RGPD4: variants seen among roughly 807,000 people sequenced by gnomAD.
The protein encoded by RGPD4 is ranBP2-like and GRIP domain-containing protein 4.
In RGPD4, 84 loss-of-function variants were observed where a neutral mutation model predicts 141.1. The ratio of observed to expected loss-of-function variants is 0.60; its 90% confidence interval spans 0.50 to 0.71. RGPD4 has a LOEUF of 0.71. RGPD4 is among the 30% of genes least tolerant of loss of function. RGPD4 has a pLI of 0.00. For missense variants in RGPD4, 918 were observed against 1,622.4 expected, an observed-to-expected ratio of 0.57 and a Z score of 7.46; for synonymous variants, 298 against 566.8, an observed-to-expected ratio of 0.53 and a Z score of 6.74.
intron 20 of RGPD4, among the ~76,000 whole-genome samples, chr2:107,875,181 CTAAA>C (rs1683054172): frequency 1.7e-5 from 1 of 57,958 alleles, no homozygotes; most frequent in African/African-American, 8.0e-5. Flanking sequence ...AAATACATAA[CTAAA>C]TAAATTTTCT....
rs1467777390 is a variant in RGPD4, at chr2:107,873,590, AAAAAAAAAAAT to A, written c.4924+664_4924+674del. ...CTTTGTCTCCAAAAAAAAAAAAAAA[AAAAAAAAAAAT>A]ATGATATTGAGATGTTCTCATTTTA... On this transcript the variant is annotated intron_variant, in intron 20 of 22. Coordinates refer to ENST00000408999, the MANE Select transcript of RGPD4 (RefSeq NM_182588.3). 3.4e-4 allele frequency among the ~76,000 whole-genome samples: 39 copies of A among 115,648 alleles called. 1 individual carries two copies. The highest frequency in any genetic ancestry group is 1.0e-3 in the African/African-American group (35 of 34,824). 75.9% of individuals were successfully genotyped at this position (115,648 alleles called of 152,430 possible). A position where few individuals can be genotyped will look rare whatever the true frequency, so the allele number is the denominator to read the frequency against.
At chr2:107,844,823 C>CTTTCTTTTT (rs1681859004) in intron 6 of RGPD4, among the ~76,000 whole-genome samples, 22 of 53,832 alleles carry the variant, frequency 4.1e-4, no homozygotes, top group Non-Finnish European at 6.2e-4. Flanking sequence ...TTCTTTCTTT[C>CTTTCTTTTT]TTTTTTGTTT....
chr2:107,874,333 T>G (rs1683027834), intron 20 of RGPD4, among the ~76,000 whole-genome samples: 1 of 150,112 alleles, frequency 6.7e-6, no homozygotes, highest in Non-Finnish European at 1.5e-5. Context: ...GCATATTATA[T>G]ATGTTGCACC....
chr2:107,831,613 T>C (rs1193229303), intron 1 of RGPD4, among the ~76,000 whole-genome samples: 4 of 123,336 alleles, frequency 3.2e-5, no homozygotes, highest in Non-Finnish European at 6.7e-5. Context: ...TCTCGCTCTA[T>C]CGTCCAGGCT....
intron 22 of RGPD4, 90 bp downstream of exon 22, chr2:107,882,963 C>T: frequency 1.3e-6 from 1 of 758,772 alleles, no homozygotes; most frequent in East Asian, 2.6e-5. Flanking sequence ...TGTAACTTTT[C>T]AATTTTGCTC....
chr2:107,872,070 G>T lies in RGPD4; in HGVS notation c.4066G>T (p.Val1356Phe). The change falls in exon 20 of 23, where the codon GTT becomes TTT. Residue 1356 changes from valine to phenylalanine, a missense_variant. Physicochemically the swap from Val to Phe is conservative, Grantham distance 50. Transcript: ENST00000408999. ...ATCCAGTGGTGAGGAAAATGAAAAA[G>T]TTGTTTTTAGTCACAGGGCAGAACT... is the stretch of plus-strand genomic sequence containing the variant. ...EVSSGEENEK[V>F]VFSHRAELYR... 1 of 1,611,622 alleles carries T rather than the reference G, an allele frequency of 6.2e-7. No homozygotes were observed. The highest frequency in any genetic ancestry group is 8.5e-7 in the Non-Finnish European group (1 of 1,179,856).
chr2:107,881,979 A>G (rs71419306), intron 21 of RGPD4, among the ~76,000 whole-genome samples: 24 of 151,944 alleles, frequency 1.6e-4, no homozygotes, highest in Admixed American at 4.6e-4. Context: ...GGAGGCTACC[A>G]ATGTTCCCCT....
intron 1 of RGPD4, among the ~76,000 whole-genome samples, chr2:107,833,246 A>AG (rs913398714): frequency 5.3e-5 from 8 of 152,082 alleles, no homozygotes; most frequent in African/African-American, 1.7e-4. Context: ...TAAAAAAAAA[A>AG]AGAGAGAAAT....
In RGPD4 at chr2:107,880,204, T is replaced by G; in HGVS notation, c.5064+97T>G. ...CAAGTTTAAAAATTCACATTGCAGA[T>G]GCATCTATAACGTCTTGATCTTTAT... On this transcript the variant is annotated intron_variant, in intron 21 of 22. Coordinates refer to ENST00000408999, the MANE Select transcript of RGPD4 (RefSeq NM_182588.3). 15 of 1,557,772 alleles carry G rather than the reference T, an allele frequency of 9.6e-6. No homozygotes were observed. In the South Asian group the frequency reaches 1.7e-4, roughly 18 times the overall value.
At chr2:107,882,484 G>A (rs1473326061) in intron 21 of RGPD4, among the ~76,000 whole-genome samples, 188 bp from the exon 22 acceptor site, 1 of 150,234 alleles carries the variant, frequency 6.7e-6, no homozygotes, top group Non-Finnish European at 1.5e-5. Context: ...ATTTTATACG[G>A]TGATGTCATA....
At chr2:107,874,667 G>A (rs941621807) in intron 20 of RGPD4, among the ~76,000 whole-genome samples, 45 of 150,700 alleles carry the variant, frequency 3.0e-4, no homozygotes, top group East Asian at 2.9e-3. Context: ...ACCTAAGAAC[G>A]AATGTGCCTA....
intron 8 of RGPD4, among the ~76,000 whole-genome samples, chr2:107,855,413 C>G (rs1238853471): frequency 1.3e-5 from 2 of 150,296 alleles, no homozygotes; most frequent in African/African-American, 4.9e-5. Flanking sequence ...CTTAAAGTGA[C>G]TTTCTACTTT....
At chr2:107,830,556 A>C (rs1360867733) in intron 1 of RGPD4, among the ~76,000 whole-genome samples, 2 of 152,064 alleles carry the variant, frequency 1.3e-5, no homozygotes, top group Non-Finnish European at 2.9e-5. Flanking sequence ...TTTTCCCCCA[A>C]ATTGAAAGTC....
chr2:107,877,815 TG>T (rs1401956952), intron 20 of RGPD4, among the ~76,000 whole-genome samples: 1 of 151,756 alleles, frequency 6.6e-6, no homozygotes, highest in Non-Finnish European at 1.5e-5. Context: ...AGGTTTTTTT[TG>T]TTTGTTTTTT....
At chr2:107,882,209 G>C (rs1440027944) in intron 21 of RGPD4, among the ~76,000 whole-genome samples, 1 of 151,624 alleles carries the variant, frequency 6.6e-6, no homozygotes, top group Non-Finnish European at 1.5e-5. Flanking sequence ...TCTTGTCAGT[G>C]ATACTTGGTA....
intron 6 of RGPD4, among the ~76,000 whole-genome samples, chr2:107,844,489 T>C (rs954110687): frequency 6.6e-6 from 1 of 152,182 alleles, no homozygotes; most frequent in African/African-American, 2.4e-5. Context: ...ATCTCCTCCT[T>C]TTTGTAGAAA....
intron 22 of RGPD4, among the ~76,000 whole-genome samples, chr2:107,887,293 T>C (rs1360528811): frequency 6.6e-6 from 1 of 152,136 alleles, no homozygotes; most frequent in Non-Finnish European, 1.5e-5. Context: ...ATGTGAAACA[T>C]TAGAATATGT....
chr2:107,830,340 G>A (rs1230955930), intron 1 of RGPD4, among the ~76,000 whole-genome samples: 5 of 70,378 alleles, frequency 7.1e-5, no homozygotes, highest in African/African-American at 8.3e-5. Context: ...TTTTAAACAA[G>A]CTTAAAAAAA....
chr2:107,878,445 G>GTCT, intron 20 of RGPD4, among the ~76,000 whole-genome samples: 1 of 151,198 alleles, frequency 6.6e-6, no homozygotes, highest in Middle Eastern at 3.4e-3. Context: ...CATACACACA[G>GTCT]TCTTTAGAGC....
Sources: gnomAD v4.1 joint callset for allele counts (sites outside exome capture counted in the v4.1 genomes callset) on GRCh38, gnomAD v4.1.1 for gene constraint, MANE v1.5 for transcripts, NCBI Gene and HGNC (gene_info 2026-07-23, HGNC 2026-07-21) for gene names.